VWA7: variants seen among roughly 807,000 people sequenced by gnomAD.
The protein encoded by VWA7 is von Willebrand factor A domain containing 7.
A neutral mutation model predicts 83.1 loss-of-function variants in VWA7; 66 were observed. That is an observed-to-expected ratio of 0.79 (90% CI 0.65 to 0.98). VWA7 has a LOEUF of 0.98. Ranked by LOEUF, VWA7 falls within the 50% of genes least tolerant of loss-of-function variation. The probability of loss-of-function intolerance (pLI) is 0.00; values close to 1 mark genes in which losing one functional copy is unlikely to be tolerated. For missense variants in VWA7, 1,080 were observed against 1,160.2 expected (o/e 0.93, Z 1.00); for synonymous variants, 424 against 488.5 (o/e 0.87, Z 1.74).
chr6:31,775,998 C>G lies in VWA7; in HGVS notation c.479G>C (p.Arg160Pro). The change falls in exon 3 of 17, where the codon CGC becomes CCC. Residue 160 changes from arginine (R) to proline (P), a missense_variant. Transcript: ENST00000375688. The surrounding 1 kb of genome is among the most constrained non-coding windows in gnomAD (Gnocchi z 5.9). ...AARALDHTLA[R>P]QRLGAALHAL... is the part of the protein sequence containing the mutation. ...ATGAAGTGCAGCCCCGAGGCGCTGGCGAGCCAGGGTGTGGTCAAGGGCCCT... is the reference window on the plus strand; with the variant it reads ...ATGAAGTGCAGCCCCGAGGCGCTGGGGAGCCAGGGTGTGGTCAAGGGCCCT... The G allele has an allele frequency of 6.2e-7, 1 of 1,612,248 alleles. No individual in the cohort carries two copies.
intron 7 of VWA7, among the ~76,000 whole-genome samples, chr6:31,771,011 C>CAAAAAAAAAAA: frequency 2.5e-5 from 2 of 79,054 alleles, no homozygotes; most frequent in South Asian, 4.6e-4. Context: ...CTCTCTCTCT[C>CAAAAAAAAAAA]AAAAAAAAAA....
In VWA7 at chr6:31,776,118, G is replaced by A. The variant is rs141452479; in HGVS notation, c.359C>T (p.Ser120Phe). 4.3e-4 allele frequency: 686 copies of A among 1,613,980 alleles called. No homozygotes were observed. Among genetic ancestry groups the A allele is most frequent in the Non-Finnish European group, 5.6e-4 (657 of 1,180,042 alleles). ...AAAGTGCAGGTCGGGGTCATTCCTG[G>A]AAGTTGGCAGGAAGTCCTGGGCTGC... Reference protein sequence around the residue: ...ANAAQDFLPTSRNDPDLHFDA... With the variant: ...ANAAQDFLPTFRNDPDLHFDA... The change falls in exon 3 of 17, where the codon TCC becomes TTC. Residue 120 changes from serine to phenylalanine, a missense_variant. Transcript: ENST00000375688. This position sits in a 1 kb window ranked among gnomAD's most constrained non-coding sequence, Gnocchi z 6.2.
chr6:31,774,489 C>A (rs1812501175), intron 5 of VWA7, 27 bp downstream of exon 5: 2 of 1,602,704 alleles, frequency 1.2e-6, no homozygotes, highest in Non-Finnish European at 8.5e-7. Flanking sequence ...TCTCCCCTTA[C>A]TTCTGGGGAA....
intron 10 of VWA7, among the ~76,000 whole-genome samples, chr6:31,768,019 A>T (rs1811790595): frequency 6.6e-6 from 1 of 151,452 alleles, no homozygotes; most frequent in African/African-American, 2.4e-5. Context: ...GGGCTCCTGT[A>T]ATCCCAGCTA....
rs539946308 is a variant in VWA7 at position 31,767,844 on chromosome 6, G to A, written c.1504-90C>T. On this transcript the variant is annotated intron_variant, in intron 10 of 16. Transcript: ENST00000375688. ...GAAAGGGGAGATAGAAAGAAACCAC[G>A]TCATTGGGCCGGGCGCAGTTGGTCA... 86 of 1,468,828 alleles carry A rather than the reference G, an allele frequency of 5.9e-5. No individual in the cohort carries two copies. The African/African-American group carries it at 7.4e-4, about 13-fold the overall frequency. 91.0% of individuals were successfully genotyped at this position (1,468,828 alleles called of 1,614,324 possible).
Position 31,775,908 on chromosome 6 carries a change from C to T in VWA7, c.513+56G>A. The T allele has an allele frequency of 6.4e-7, 1 of 1,553,238 alleles. No homozygotes were observed. The highest frequency in any genetic ancestry group is 8.7e-7 in the Non-Finnish European group (1 of 1,149,834). On this transcript the variant is annotated intron_variant, in intron 3 of 16. Transcript: ENST00000375688. This position sits in a 1 kb window ranked among gnomAD's most constrained non-coding sequence, Gnocchi z 5.9. ...AAGGCACCATAGGACGCGCTCCATC[C>T]CGGACAGGCACGGAAGTGAAGACCC...
chr6:31,766,128 G>A lies in VWA7; in HGVS notation c.2325-71C>T. ...GCCTAGAGTCGGGACGCCTGCAGGG[G>A]CACGGGAGCGGAGAGGAGGATTCTG... On this transcript the variant is annotated intron_variant, in intron 15 of 16. Coordinates refer to ENST00000375688, the MANE Select transcript of VWA7 (RefSeq NM_025258.3). The surrounding 1 kb of genome is among the most constrained non-coding windows in gnomAD (Gnocchi z 4.9). The A allele has an allele frequency of 6.3e-7, 1 of 1,597,076 alleles. No homozygotes were observed. Among genetic ancestry groups the A allele is most frequent in the Non-Finnish European group, 8.5e-7 (1 of 1,170,424 alleles).
Position 31,766,041 on chromosome 6 carries a change from T to C in VWA7, c.2341A>G (p.Asn781Asp), listed in dbSNP as rs1484358731. The C allele has an allele frequency of 6.2e-7, 1 of 1,612,944 alleles. No individual in the cohort carries two copies. Among genetic ancestry groups the C allele is most frequent in the Non-Finnish European group, 8.5e-7 (1 of 1,180,024 alleles). ...CACAGGCGGCCCCAGGCCGACTCAT[T>C]CAGTTCCAGGTGAGCCCTGGAGAGA... ...SNLSRAHLEL[N>D]ESAWGRLWLE... Residue 781 changes from asparagine to aspartate, a missense_variant, in exon 16 of 17, where the codon AAT becomes GAT. Asn to Asp is a conservative substitution (Grantham distance 23). Transcript: ENST00000375688. This position sits in a 1 kb window ranked among gnomAD's most constrained non-coding sequence, Gnocchi z 4.9.
At chr6:31,772,235 T>C (rs1217357161) in intron 7 of VWA7, among the ~76,000 whole-genome samples, 1 of 151,920 alleles carries the variant, frequency 6.6e-6, no homozygotes, top group Non-Finnish European at 1.5e-5. Context: ...AACCTCAGTC[T>C]CCTGGGCTCA....
rs1219476929 is a variant in VWA7, at chr6:31,769,105, G to C, written c.1416C>G (p.Ala472=). The change falls in exon 10 of 17, where the codon GCC becomes GCG. Residue 472 remains alanine (A), a synonymous_variant. Transcript: ENST00000375688. The surrounding 1 kb of genome is among the most constrained non-coding windows in gnomAD (Gnocchi z 4.5). ...PLRFEPYKAV[A]LASGGEVIFT... is the part of the protein sequence containing the mutation. Reference sequence around the variant, plus strand: ...AGATCACCTCTCCTCCTGAGGCCAGGGCCACTGCTTTGTATGGCTCAAAAC... The same window carrying C: ...AGATCACCTCTCCTCCTGAGGCCAGCGCCACTGCTTTGTATGGCTCAAAAC... 1.2e-6 allele frequency: 2 copies of C among 1,613,092 alleles called. No individual in the cohort carries two copies. Among genetic ancestry groups the C allele is most frequent in the Non-Finnish European group, 1.7e-6 (2 of 1,180,040 alleles).
At chr6:31,772,703 G>T (rs988908898) in intron 7 of VWA7, among the ~76,000 whole-genome samples, 4 of 141,546 alleles carry the variant, frequency 2.8e-5, no homozygotes, top group Non-Finnish European at 4.5e-5. Flanking sequence ...GGGTTCAAGC[G>T]ATTCTCCTGC....
chr6:31,776,490 G>A lies in VWA7; in HGVS notation c.234+56C>T. On this transcript the variant is annotated intron_variant, in intron 2 of 16. Coordinates refer to ENST00000375688, the MANE Select transcript of VWA7 (RefSeq NM_025258.3). This position sits in a 1 kb window ranked among gnomAD's most constrained non-coding sequence, Gnocchi z 6.2. ...GCAACCAGAGCCCTCAAGGAGTAGA[G>A]GCCCCATGGAATTGGGGACTCTGGC... The A allele has an allele frequency of 7.0e-7, 1 of 1,436,126 alleles. No individual in the cohort carries two copies. Among genetic ancestry groups the A allele is most frequent in the Non-Finnish European group, 9.4e-7 (1 of 1,063,854 alleles). The allele number at this position is 1,436,126 out of a possible 1,614,324, so 89.0% of individuals were successfully genotyped here. A position where few individuals can be genotyped will look rare whatever the true frequency, so the allele number is the denominator to read the frequency against.
chr6:31,769,041 C>G lies in VWA7; in HGVS notation c.1480G>C (p.Val494Leu). ...DQHIRDVAAI[V>L]GESMAALVTL... ...ACCAGGGCAGCCATGCTCTCCCCAA[C>G]AATGGCTGCCACGTCTCGAATGTGC... Residue 494 changes from valine (V) to leucine (L), a missense_variant, in exon 10 of 17, where the codon GTT (valine) becomes CTT (leucine). By Grantham distance (32) the Val-to-Leu change is conservative (BLOSUM62 1). Coordinates refer to ENST00000375688, the MANE Select transcript of VWA7 (RefSeq NM_025258.3). The surrounding 1 kb of genome is among the most constrained non-coding windows in gnomAD (Gnocchi z 4.5). 6.2e-7 allele frequency: 1 copy of G among 1,612,310 alleles called. No homozygotes were observed. The highest frequency in any genetic ancestry group is 2.2e-5 in the East Asian group (1 of 44,878).
At chr6:31,767,587 C>T in intron 11 of VWA7, 35 bp downstream of exon 11, 1 of 1,600,930 alleles carries the variant, frequency 6.2e-7, no homozygotes, top group Non-Finnish European at 8.6e-7. Flanking sequence ...TGTCTATTCC[C>T]CGGTCCCCTC....
In VWA7 at chr6:31,773,510, A is replaced by T; in HGVS notation, c.722-73T>A. On this transcript the variant is annotated intron_variant, in intron 5 of 16. Coordinates refer to ENST00000375688, the MANE Select transcript of VWA7 (RefSeq NM_025258.3). The surrounding 1 kb of genome is among the most constrained non-coding windows in gnomAD (Gnocchi z 5.3). ...CCTCCTAAGAAAATGAGGCCCTTTC[A>T]GGCCTGGCCTGACCCTCTCACCCCT... The T allele has an allele frequency of 1.4e-6, 2 of 1,404,390 alleles. No individual in the cohort carries two copies. Among genetic ancestry groups the T allele is most frequent in the South Asian group, 1.4e-5 (1 of 69,784 alleles). 87.0% of individuals were successfully genotyped at this position (1,404,390 alleles called of 1,614,324 possible).
intron 13 of VWA7, 72 bp downstream of exon 13, chr6:31,767,086 A>T (rs1253327139): frequency 1.5e-5 from 5 of 341,700 alleles, no homozygotes; most frequent in African/African-American, 8.8e-5. Flanking sequence ...TATATATATT[A>T]TATATTATAT....
At chr6:31,774,908 G>A (rs1206646100) in intron 4 of VWA7, among the ~76,000 whole-genome samples, 1 of 152,140 alleles carries the variant, frequency 6.6e-6, no homozygotes. Flanking sequence ...AGCAGCCTGC[G>A]CCACACAGTG....
chr6:31,774,595 C>T lies in VWA7; in HGVS notation c.642G>A (p.Glu214=). 1 of 1,612,878 alleles carries T rather than the reference C, an allele frequency of 6.2e-7. No individual in the cohort carries two copies. Among genetic ancestry groups the T allele is most frequent in the South Asian group, 1.1e-5 (1 of 91,066 alleles). The change falls in exon 5 of 17, where the codon GAG becomes GAA. Residue 214 remains glutamate, a synonymous_variant. Coordinates refer to ENST00000375688, the MANE Select transcript of VWA7 (RefSeq NM_025258.3). ...CCAGCCAATTCCTGGGGCAGCTCAA[C>T]TCCTCGCAATCGGAGCAGGTAGGAT... is the stretch of plus-strand genomic sequence containing the variant. ...VADPTCSDCE[E]LSCPRNWLGF...
Position 31,776,375 on chromosome 6 carries a change from C to G in VWA7, c.235-133G>C. 1 of 1,360,646 alleles carries G rather than the reference C, an allele frequency of 7.3e-7. No homozygotes were observed. The highest frequency in any genetic ancestry group is 9.9e-7 in the Non-Finnish European group (1 of 1,011,492). 84.3% of individuals were successfully genotyped at this position (1,360,646 alleles called of 1,614,324 possible). ...CCCACAAAGGAGGGACAGTCCCGGA[C>G]CTTTCTAAGGAGGGGGACTCCTAAT... is the stretch of plus-strand genomic sequence containing the variant. On this transcript the variant is annotated intron_variant, in intron 2 of 16. Transcript: ENST00000375688. This position sits in a 1 kb window ranked among gnomAD's most constrained non-coding sequence, Gnocchi z 6.2.
Sources: gnomAD v4.1 joint callset for allele counts (sites outside exome capture counted in the v4.1 genomes callset) on GRCh38, gnomAD v4.1.1 for gene constraint, Gnocchi (gnomAD v3.1) non-coding constraint, MANE v1.5 for transcripts, NCBI Gene and HGNC (gene_info 2026-07-23, HGNC 2026-07-21) for gene names.